Variants in ERGIC1 observed in about 807,000 individuals in gnomAD.
ERGIC1 encodes endoplasmic reticulum-golgi intermediate compartment 1, also known as endoplasmic reticulum-Golgi intermediate compartment protein 1.
A neutral mutation model predicts 38.3 loss-of-function variants in ERGIC1; 19 were observed. That is an observed-to-expected ratio of 0.50 (90% CI 0.35 to 0.73). The LOEUF (loss-of-function observed/expected upper bound fraction) is 0.73, where lower values mean the gene tolerates loss of function less well. Ranked by LOEUF, ERGIC1 falls within the 30% of genes least tolerant of loss-of-function variation. The pLI is 0.01. For missense variants in ERGIC1, 294 were observed against 389.2 expected (o/e 0.76, Z 2.06); for synonymous variants, 124 against 157.6 (o/e 0.79, Z 1.60).
At chr5:172,873,235 C>A (rs1170053086) in intron 1 of ERGIC1, among the ~76,000 whole-genome samples, 2 of 152,234 alleles carry the variant, frequency 1.3e-5, no homozygotes, top group African/African-American at 4.8e-5. Context: ...CGGTGTGGGG[C>A]CAGGAGGCCG....
At chr5:172,847,466 C>G (rs1761306945) in intron 1 of ERGIC1, among the ~76,000 whole-genome samples, 1 of 152,158 alleles carries the variant, frequency 6.6e-6, no homozygotes, top group African/African-American at 2.4e-5. Flanking sequence ...CTACTATCAT[C>G]ATAATTTTTG....
intron 1 of ERGIC1, among the ~76,000 whole-genome samples, chr5:172,884,244 GT>G (rs71579704): frequency 0.072 from 6,530 of 90,474 alleles, 201 homozygotes; most frequent in Non-Finnish European, 0.094. Context: ...GGAACCCCAA[GT>G]TTTTTTTTTT....
intron 2 of ERGIC1, 88 bp downstream of exon 2, chr5:172,888,848 G>A (rs1229752741): frequency 8.2e-7 from 1 of 1,220,346 alleles, no homozygotes; most frequent in Non-Finnish European, 1.2e-6. Context: ...GGCCAGGGAG[G>A]AAAGAAGGAA....
intron 5 of ERGIC1, chr5:172,920,623 C>T (rs1763487312): frequency 1.7e-6 from 1 of 588,568 alleles, no homozygotes; most frequent in East Asian, 2.9e-5. Context: ...GAGTCAGCCA[C>T]CTGTGATGGA....
chr5:172,929,056 G>C, intron 7 of ERGIC1, among the ~76,000 whole-genome samples: 1 of 152,064 alleles, frequency 6.6e-6, no homozygotes, highest in Admixed American at 6.6e-5. Flanking sequence ...TTGTATTGTG[G>C]TACTGAATTG....
chr5:172,840,869 A>C (rs565589182), intron 1 of ERGIC1, among the ~76,000 whole-genome samples: 1 of 152,274 alleles, frequency 6.6e-6, no homozygotes, highest in Non-Finnish European at 1.5e-5. Context: ...AAAATGTATA[A>C]AGCCCTGGTC....
At chr5:172,838,274 G>T (rs927253258) in intron 1 of ERGIC1, among the ~76,000 whole-genome samples, 1 of 152,180 alleles carries the variant, frequency 6.6e-6, no homozygotes, top group Non-Finnish European at 1.5e-5. Context: ...TGAAAATGTG[G>T]AGTCCCTTGT....
intron 1 of ERGIC1, among the ~76,000 whole-genome samples, chr5:172,844,291 G>A (rs6556050): frequency 0.011 from 1,634 of 152,362 alleles, 17 homozygotes; most frequent in Non-Finnish European, 0.017. Context: ...GCCACCTGGA[G>A]CGCGAGGCCC....
chr5:172,893,905 ATGTGTGTG>A (rs1554110394), intron 2 of ERGIC1, among the ~76,000 whole-genome samples: 4 of 15,544 alleles, frequency 2.6e-4, no homozygotes, highest in Admixed American at 1.4e-3. Flanking sequence ...ATATATATAT[ATGTGTGTG>A]TGTGTGTGTG....
chr5:172,855,806 T>C (rs1761535375), intron 1 of ERGIC1, among the ~76,000 whole-genome samples: 1 of 152,086 alleles, frequency 6.6e-6, no homozygotes, highest in Non-Finnish European at 1.5e-5. Flanking sequence ...ACGCCTTGTG[T>C]TGGGGAGCCA....
intron 1 of ERGIC1, among the ~76,000 whole-genome samples, chr5:172,865,980 A>G (rs1490140335): frequency 6.6e-6 from 1 of 152,176 alleles, no homozygotes; most frequent in African/African-American, 2.4e-5. Flanking sequence ...ATCCCATCCC[A>G]GGAGAAATAC....
chr5:172,882,567 G>C (rs541170038), intron 1 of ERGIC1, among the ~76,000 whole-genome samples: 1 of 152,254 alleles, frequency 6.6e-6, no homozygotes, highest in East Asian at 1.9e-4. Flanking sequence ...GTGACTCTGA[G>C]CTTCCATTTT....
chr5:172,909,699 AGGACAG>A lies in ERGIC1; in HGVS notation c.189_194del (p.Lys63_Ser65delinsAsn), dbSNP rs1277727256. 1 of 1,614,226 alleles carries A rather than the reference AGGACAG, an allele frequency of 6.2e-7. No homozygotes were observed. The highest frequency in any genetic ancestry group is 8.5e-7 in the Non-Finnish European group (1 of 1,180,042). On this transcript the variant is annotated inframe_deletion, in exon 4 of 10. Coordinates refer to ENST00000393784, the MANE Select transcript of ERGIC1 (RefSeq NM_001031711.3). ...GAGCTCTATGTCGATGACCCAGACAAGGACAGCGGTGGCAAGATCGACGTCAGTCTG... is the reference window on the plus strand; with the variant it reads ...GAGCTCTATGTCGATGACCCAGACAACGGTGGCAAGATCGACGTCAGTCTG...
chr5:172,920,549 G>A (rs1763485455), intron 5 of ERGIC1: 1 of 676,514 alleles, frequency 1.5e-6, no homozygotes, highest in African/African-American at 1.8e-5. Flanking sequence ...ACTGACGTAG[G>A]TTCCTAAGTC....
intron 1 of ERGIC1, among the ~76,000 whole-genome samples, chr5:172,888,186 C>T (rs933849733): frequency 2.6e-5 from 4 of 152,162 alleles, no homozygotes; most frequent in African/African-American, 9.7e-5. Flanking sequence ...GGAGGGTCAT[C>T]TGGTGGTTCA....
At chr5:172,941,099 C>T (rs957566490) in intron 9 of ERGIC1, among the ~76,000 whole-genome samples, 3 of 152,120 alleles carry the variant, frequency 2.0e-5, no homozygotes, top group Non-Finnish European at 2.9e-5. Flanking sequence ...GCCAACATGG[C>T]GAAACTTTGT....
intron 9 of ERGIC1, among the ~76,000 whole-genome samples, chr5:172,945,804 C>T (rs570570776): frequency 6.6e-6 from 1 of 152,278 alleles, no homozygotes; most frequent in South Asian, 2.1e-4. Context: ...CATGCATCAG[C>T]CTCCCGAGTA....
chr5:172,889,993 C>T (rs2113269535), intron 2 of ERGIC1, among the ~76,000 whole-genome samples: 1 of 152,264 alleles, frequency 6.6e-6, no homozygotes, highest in East Asian at 1.9e-4. Context: ...GTTTAATTCC[C>T]CTCTCTTGAG....
At chr5:172,907,647 C>T (rs1009935950) in intron 3 of ERGIC1, among the ~76,000 whole-genome samples, 2 of 152,298 alleles carry the variant, frequency 1.3e-5, no homozygotes, top group Admixed American at 6.5e-5. Context: ...CCATGCCCTC[C>T]CCAACCTCCA....
Sources: gnomAD v4.1 joint callset for allele counts (sites outside exome capture counted in the v4.1 genomes callset) on GRCh38, gnomAD v4.1.1 for gene constraint, MANE v1.5 for transcripts, NCBI Gene and HGNC (gene_info 2026-07-23, HGNC 2026-07-21) for gene names.